STOX2: variants seen among roughly 807,000 people sequenced by gnomAD.
The protein encoded by STOX2 is storkhead box 2.
In STOX2, 28 loss-of-function variants were observed where a neutral mutation model predicts 60.9. That is an observed-to-expected ratio of 0.46 (90% confidence interval 0.34 to 0.63). The LOEUF (loss-of-function observed/expected upper bound fraction) is 0.63. STOX2 is among the 30% of genes least tolerant of loss of function. The pLI is 0.01. For synonymous variants in STOX2, 472 were observed against 463.9 expected (o/e 1.02, Z -0.22); for missense variants, 1,024 against 1,187.7 (o/e 0.86, Z 2.03).
intron 1 of STOX2, among the ~76,000 whole-genome samples, chr4:183,958,320 A>T (rs922783829): frequency 9.2e-5 from 14 of 152,146 alleles, no homozygotes; most frequent in African/African-American, 3.4e-4. Flanking sequence ...TAGAGATATC[A>T]CTGGGCTCTT....
chr4:183,915,199 G>A (rs916177480), intron 1 of STOX2, among the ~76,000 whole-genome samples: 1 of 152,186 alleles, frequency 6.6e-6, no homozygotes, highest in Non-Finnish European at 1.5e-5. Context: ...CAGGACTATT[G>A]CCTGGCCTTA....
At chr4:183,977,172 G>T (rs1732480513) in intron 1 of STOX2, among the ~76,000 whole-genome samples, 1 of 138,754 alleles carries the variant, frequency 7.2e-6, no homozygotes, top group Non-Finnish European at 1.5e-5. Flanking sequence ...CAGTATAATA[G>T]GTAGTATAAT....
rs1022421778 is a variant in STOX2 at position 183,806,449 on chromosome 4, T to A, written c.364+8394T>A. Among the ~76,000 whole-genome samples, 5 of 151,980 alleles carry A rather than the reference T, an allele frequency of 3.3e-5. No individual in the cohort carries two copies. Among genetic ancestry groups the A allele is most frequent in the Non-Finnish European group, 7.4e-5 (5 of 67,998 alleles). ...AGGGCTTCCTGGTGTCTTGAAGGGG[T>A]GGAATCCAGTCTGGGGCGCCCCATC... On this transcript the variant is annotated intron_variant, in intron 1 of 2. Coordinates refer to the STOX2 transcript ENST00000513034. The surrounding 1 kb of genome is among the most constrained non-coding windows in gnomAD (Gnocchi z 4.1).
chr4:183,986,206 T>C (rs1164674292), intron 1 of STOX2, among the ~76,000 whole-genome samples: 1 of 152,196 alleles, frequency 6.6e-6, no homozygotes, highest in Non-Finnish European at 1.5e-5. Flanking sequence ...ATTTCTAATA[T>C]CCAAACATGT....
chr4:184,011,251 C>G lies in STOX2; in HGVS notation c.2413C>G (p.Leu805Val). 1 of 1,613,440 alleles carries G rather than the reference C, an allele frequency of 6.2e-7. No homozygotes were observed. The highest frequency in any genetic ancestry group is 8.5e-7 in the Non-Finnish European group (1 of 1,179,634). ...NREDVGTMQWLLEREKERDLQ... is the reference protein window; with the variant it reads ...NREDVGTMQWVLEREKERDLQ... ...AGAGGACGTAGGCACCATGCAGTGGCTCCTCGAGCGGGAGAAGGAAAGAGA... is the reference window on the plus strand; with the variant it reads ...AGAGGACGTAGGCACCATGCAGTGGGTCCTCGAGCGGGAGAAGGAAAGAGA... The change falls in exon 3 of 4, where the codon CTC becomes GTC. Residue 805 changes from leucine to valine, a missense_variant. Coordinates refer to ENST00000308497, the MANE Select transcript of STOX2 (RefSeq NM_020225.3). The surrounding 1 kb of genome is among the most constrained non-coding windows in gnomAD (Gnocchi z 4.4).
At chr4:183,985,220 T>G (rs1309088389) in intron 1 of STOX2, among the ~76,000 whole-genome samples, 3 of 152,162 alleles carry the variant, frequency 2.0e-5, no homozygotes, top group African/African-American at 7.2e-5. Context: ...AAAATTGACA[T>G]ATAGGTTTTG....
intron 1 of STOX2, among the ~76,000 whole-genome samples, chr4:183,837,194 G>A (rs1215151801): frequency 6.6e-6 from 1 of 151,984 alleles, no homozygotes; most frequent in South Asian, 2.1e-4. Context: ...TTTAATTGTG[G>A]AAAAATATAC....
At chr4:183,811,864 T>C (rs543520496) in intron 1 of STOX2, among the ~76,000 whole-genome samples, 2 of 152,110 alleles carry the variant, frequency 1.3e-5, no homozygotes, top group South Asian at 2.1e-4. Context: ...TAAAATAATA[T>C]CAGTTTCTTT....
intron 1 of STOX2, among the ~76,000 whole-genome samples, chr4:183,986,888 AC>A (rs1309346260): frequency 6.6e-6 from 1 of 151,788 alleles, no homozygotes; most frequent in Non-Finnish European, 1.5e-5. Flanking sequence ...CCACGTGGGG[AC>A]CCCTGTAACT....
At chr4:183,823,966 CT>C (rs1397284172) in intron 1 of STOX2, among the ~76,000 whole-genome samples, 1 of 150,730 alleles carries the variant, frequency 6.6e-6, no homozygotes, top group Admixed American at 6.6e-5. Context: ...AGGTCTTGAT[CT>C]TTTTCCCAGA....
intron 1 of STOX2, among the ~76,000 whole-genome samples, chr4:183,831,522 A>C (rs1320071701): frequency 6.6e-6 from 1 of 151,674 alleles, no homozygotes; most frequent in East Asian, 1.9e-4. Flanking sequence ...TTTTTGGTGA[A>C]TATCAGACTT....
chr4:183,837,988 A>T (rs1026326381), intron 1 of STOX2, among the ~76,000 whole-genome samples: 2 of 152,126 alleles, frequency 1.3e-5, no homozygotes, highest in African/African-American at 4.8e-5. Flanking sequence ...GAGTTCTGAG[A>T]TAGCACATAT....
chr4:183,950,112 A>G (rs1743024313), intron 1 of STOX2, among the ~76,000 whole-genome samples: 1 of 152,268 alleles, frequency 6.6e-6, no homozygotes, highest in Non-Finnish European at 1.5e-5. Flanking sequence ...TTATTAAATT[A>G]CATTGCTATT....
intron 1 of STOX2, among the ~76,000 whole-genome samples, chr4:183,839,561 G>T (rs1426557296): frequency 6.6e-6 from 1 of 152,156 alleles, no homozygotes; most frequent in Non-Finnish European, 1.5e-5. Context: ...AACCTGAGGG[G>T]ATTTCTCCAT....
At chr4:183,808,354 G>A (rs1236842583) in intron 1 of STOX2, among the ~76,000 whole-genome samples, 1 of 152,208 alleles carries the variant, frequency 6.6e-6, no homozygotes, top group African/African-American at 2.4e-5. Flanking sequence ...GTCCTGGGTT[G>A]GTCGTGATAG....
chr4:183,962,926 T>G (rs774135753), intron 1 of STOX2, among the ~76,000 whole-genome samples: 6 of 152,216 alleles, frequency 3.9e-5, no homozygotes, highest in Non-Finnish European at 8.8e-5. Context: ...AGGGGGGTTA[T>G]TAAGCAGTAG....
intron 1 of STOX2, among the ~76,000 whole-genome samples, chr4:183,914,743 G>A (rs1017985854): frequency 6.6e-6 from 1 of 152,150 alleles, no homozygotes; most frequent in African/African-American, 2.4e-5. Flanking sequence ...AGGTTCAGTT[G>A]GATTCCATGA....
intron 1 of STOX2, among the ~76,000 whole-genome samples, chr4:183,809,422 C>T (rs1409447085): frequency 2.7e-5 from 4 of 150,756 alleles, no homozygotes; most frequent in East Asian, 1.9e-4. Context: ...TTTATTGAGA[C>T]GGAGTCTTGC....
At chr4:183,939,256 C>T (rs370266482) in intron 1 of STOX2, among the ~76,000 whole-genome samples, 12 of 152,336 alleles carry the variant, frequency 7.9e-5, no homozygotes, top group Admixed American at 2.6e-4. Flanking sequence ...CTGAAATCAA[C>T]GTGTTGGATG....
Sources: allele counts gnomAD v4.1 joint callset (sites outside exome capture counted in the v4.1 genomes callset), GRCh38; gene constraint gnomAD v4.1.1; non-coding constraint Gnocchi (gnomAD v3.1); transcripts MANE v1.5; gene names NCBI Gene and HGNC (gene_info 2026-07-23, HGNC 2026-07-21).